CD8B: variants seen among roughly 807,000 people sequenced by gnomAD.
CD8B encodes the protein T-cell surface glycoprotein CD8 beta chain.
In CD8B, 6 loss-of-function variants were observed where a neutral mutation model predicts 24.2. That is an observed-to-expected ratio of 0.25 (90% confidence interval 0.14 to 0.49). The LOEUF is 0.49. Among genes scored for constraint, CD8B ranks in the 20% least tolerant of loss-of-function variants. The pLI, the probability that CD8B is intolerant of heterozygous loss-of-function variation, is 0.98. For synonymous variants in CD8B, 84 were observed against 108.3 expected (o/e 0.78, Z 1.39); for missense variants, 196 against 271.3 (o/e 0.72, Z 1.95).
At chr2:86,821,886 C>A in intron 5 of CD8B, 1 of 253,654 alleles carries the variant, frequency 3.9e-6, no homozygotes, top group East Asian at 1.1e-4. Flanking sequence ...GTTCTGCCTT[C>A]TTTCTTTCTT....
chr2:86,820,236 G>C (rs1337891940), intron 5 of CD8B, among the ~76,000 whole-genome samples: 4 of 152,230 alleles, frequency 2.6e-5, no homozygotes, highest in Non-Finnish European at 4.4e-5. Flanking sequence ...GTATTTGAGA[G>C]GAGTGACTCC....
chr2:86,860,140 C>T (rs1365253711), intron 1 of CD8B, among the ~76,000 whole-genome samples: 18 of 152,384 alleles, frequency 1.2e-4, no homozygotes, highest in Non-Finnish European at 2.2e-4. Flanking sequence ...CATGATGGCG[C>T]GTGCCTCTAA....
At chr2:86,825,193 T>C (rs1472208254) in intron 5 of CD8B, among the ~76,000 whole-genome samples, 2 of 151,936 alleles carry the variant, frequency 1.3e-5, no homozygotes, top group East Asian at 1.9e-4. Flanking sequence ...GGTGTCGGTG[T>C]GGGGGGTGTG....
In CD8B at chr2:86,839,167, CA is replaced by C. The variant is rs1212543691; in HGVS notation, c.*3139del. On this transcript the variant is annotated 3_prime_UTR_variant, in exon 6 of 6. Coordinates refer to ENST00000390655, the MANE Select transcript of CD8B (RefSeq NM_004931.5). ...TATATTGTATTAAGAATAATCTATACAGATGTTTTAAAAATATATGCATTTG... is the reference window on the plus strand; with the variant it reads ...TATATTGTATTAAGAATAATCTATACGATGTTTTAAAAATATATGCATTTG... Among the ~76,000 whole-genome samples the C allele has an allele frequency of 1.3e-5, 2 of 152,042 alleles. No homozygotes were observed. The highest frequency in any genetic ancestry group is 4.8e-5 in the African/African-American group (2 of 41,298).
chr2:86,836,796 G>A (rs1325903521), downstream of CD8B, among the ~76,000 whole-genome samples: 1 of 152,088 alleles, frequency 6.6e-6, no homozygotes, highest in African/African-American at 2.4e-5. Context: ...GGAGAATTGA[G>A]TGCAGAGTTG....
At chr2:86,844,631 T>G in intron 5 of CD8B, 5 of 1,437,364 alleles carry the variant, frequency 3.5e-6, no homozygotes, top group East Asian at 3.1e-5. Context: ...TATCACCCCA[T>G]CTATTTATAC....
At chr2:86,819,965 C>T (rs1353525811) in intron 5 of CD8B, among the ~76,000 whole-genome samples, 4 of 152,112 alleles carry the variant, frequency 2.6e-5, no homozygotes, top group Non-Finnish European at 5.9e-5. Flanking sequence ...TGGAGGAGTT[C>T]AAGACTTCAG....
At chr2:86,855,134 TG>T (rs536171333) in intron 2 of CD8B, among the ~76,000 whole-genome samples, 3 of 151,274 alleles carry the variant, frequency 2.0e-5, no homozygotes, top group Admixed American at 2.0e-4. Flanking sequence ...AAAAAGGTTT[TG>T]GGGGGTTGTA....
At chr2:86,842,641 A>G (rs1423218170) in intron 5 of CD8B, among the ~76,000 whole-genome samples, 1 of 152,186 alleles carries the variant, frequency 6.6e-6, no homozygotes, top group Non-Finnish European at 1.5e-5. Flanking sequence ...AGATGGGATG[A>G]TTTTCTAAGG....
chr2:86,833,122 G>T, intron 5 of CD8B: 1 of 301,680 alleles, frequency 3.3e-6, no homozygotes, highest in Non-Finnish European at 6.7e-6. Flanking sequence ...AAAAAGGATA[G>T]TTTAAATAAT....
downstream of CD8B, among the ~76,000 whole-genome samples, chr2:86,834,997 C>T (rs1278432936): frequency 6.6e-6 from 1 of 151,722 alleles, no homozygotes; most frequent in Non-Finnish European, 1.5e-5. Flanking sequence ...ACCAAATCGC[C>T]TGCCACACAC....
chr2:86,823,254 A>G (rs1327553620), intron 5 of CD8B, among the ~76,000 whole-genome samples: 2 of 151,910 alleles, frequency 1.3e-5, no homozygotes, highest in African/African-American at 4.8e-5. Flanking sequence ...TTGCACAATC[A>G]TTTTTTAAAA....
chr2:86,821,611 G>T, intron 5 of CD8B: 1 of 269,984 alleles, frequency 3.7e-6, no homozygotes. Context: ...ACCCAGAGTT[G>T]ACTGAAGACA....
At chr2:86,821,650 C>A in intron 5 of CD8B, 1 of 359,982 alleles carries the variant, frequency 2.8e-6, no homozygotes, top group South Asian at 1.9e-5. Context: ...TGAGAGCAGG[C>A]AGAGGCATTG....
At chr2:86,860,439 T>G (rs1558765262) in intron 1 of CD8B, among the ~76,000 whole-genome samples, 1 of 151,874 alleles carries the variant, frequency 6.6e-6, no homozygotes, top group Non-Finnish European at 1.5e-5. Context: ...CTTGGGGGAG[T>G]TAATAAGAAC....
At chr2:86,848,394 G>A (rs1675794191) in intron 3 of CD8B, among the ~76,000 whole-genome samples, 3 of 152,114 alleles carry the variant, frequency 2.0e-5, no homozygotes, top group Admixed American at 2.0e-4. Context: ...TTTCTTCTAC[G>A]AGTTGACTAT....
downstream of CD8B, among the ~76,000 whole-genome samples, chr2:86,834,221 C>A (rs933537752): frequency 6.6e-6 from 1 of 152,140 alleles, no homozygotes; most frequent in African/African-American, 2.4e-5. Flanking sequence ...TTCCACAAAG[C>A]TGTAGCGCTC....
chr2:86,834,172 T>C (rs550425198), downstream of CD8B, among the ~76,000 whole-genome samples: 1 of 152,284 alleles, frequency 6.6e-6, no homozygotes, highest in African/African-American at 2.4e-5. Context: ...TGACAGTCCC[T>C]AATTCATATT....
At chr2:86,827,236 C>G (rs1674725199) in intron 5 of CD8B, among the ~76,000 whole-genome samples, 1 of 150,766 alleles carries the variant, frequency 6.6e-6, no homozygotes, top group African/African-American at 2.4e-5. Flanking sequence ...CTTGCAAGGA[C>G]TTCTTTTGAG....
Sources: gnomAD v4.1 joint callset for allele counts (sites outside exome capture counted in the v4.1 genomes callset) on GRCh38, gnomAD v4.1.1 for gene constraint, MANE v1.5 for transcripts, NCBI Gene and HGNC (gene_info 2026-07-23, HGNC 2026-07-21) for gene names.